The following TBXAS1 variants were observed in gnomAD, a reference collection of about 807,000 sequenced individuals.
TBXAS1 encodes the protein thromboxane-A synthase.
A neutral mutation model predicts 60.7 loss-of-function variants in TBXAS1; 48 were observed. The ratio of observed to expected loss-of-function variants is 0.79; its 90% CI spans 0.63 to 1.01. The LOEUF is 1.01. Among genes scored for constraint, TBXAS1 ranks in the 50% least tolerant of loss-of-function variants. The pLI, the probability that TBXAS1 is intolerant of heterozygous loss-of-function variation, is 0.00. For missense variants in TBXAS1, 685 were observed against 686.3 expected (o/e 1.00, Z 0.02); for synonymous variants, 287 against 269.7 (o/e 1.06, Z -0.63).
chr7:139,890,718 T>G (rs1257164165), intron 3 of TBXAS1, among the ~76,000 whole-genome samples: 1 of 152,212 alleles, frequency 6.6e-6, no homozygotes, highest in Non-Finnish European at 1.5e-5. Flanking sequence ...AACCAGTAAT[T>G]ACTAATTACC....
At position 140,015,776 on chromosome 7, in the gene TBXAS1, C is replaced by T. The variant is rs1436081690; in HGVS notation, c.1280C>T (p.Ala427Val). ...DCEVLGQRIP[A>V]GAVLEMAVGA... ...GAGGTGCTGGGGCAGCGCATCCCCG[C>T]AGGCGCTGTGCTAGAGATGGCCGTG... Residue 427 changes from alanine to valine, a missense_variant, in exon 11 of 13, where the codon GCA becomes GTA. Ala to Val is a moderately conservative substitution (Grantham distance 64, BLOSUM62 0). Coordinates refer to ENST00000448866, the MANE Select transcript of TBXAS1 (RefSeq NM_001061.7). The T allele has an allele frequency of 6.2e-7, 1 of 1,613,660 alleles. No individual in the cohort carries two copies. The highest frequency in any genetic ancestry group is 8.5e-7 in the Non-Finnish European group (1 of 1,180,006).
chr7:139,975,461 G>C lies in TBXAS1; in HGVS notation c.1134+13228G>C, dbSNP rs1490032928. 1.3e-5 allele frequency among the ~76,000 whole-genome samples: 2 copies of C among 151,476 alleles called. No homozygotes were observed. The highest frequency in any genetic ancestry group is 4.8e-5 in the African/African-American group (2 of 41,282). On this transcript the variant is annotated intron_variant, in intron 9 of 12. Transcript: ENST00000448866. The surrounding 1 kb of genome is among the most constrained non-coding windows in gnomAD (Gnocchi z 4.4). ...TGATGCCATTCCTCAGCGCTCTGCT[G>C]TTCTTGCCTGACCAAGTGGATCAAT...
At chr7:139,912,646 G>T (rs1805621128) in intron 4 of TBXAS1, among the ~76,000 whole-genome samples, 1 of 152,170 alleles carries the variant, frequency 6.6e-6, no homozygotes, top group Non-Finnish European at 1.5e-5. Flanking sequence ...AATGCAGTGT[G>T]GTGAGTGCTC....
chr7:139,817,068 C>A (rs911930665), intron 4 of TBXAS1, among the ~76,000 whole-genome samples: 4 of 152,160 alleles, frequency 2.6e-5, no homozygotes, highest in African/African-American at 9.7e-5. Flanking sequence ...AGTTGCCAAG[C>A]CCCCAGCTGT....
chr7:139,935,405 G>A (rs1807671031), intron 4 of TBXAS1, among the ~76,000 whole-genome samples: 1 of 152,150 alleles, frequency 6.6e-6, no homozygotes, highest in Non-Finnish European at 1.5e-5. Context: ...TTGGAACTTG[G>A]TGGAATTTTT....
chr7:139,924,149 G>T (rs1045957136), intron 4 of TBXAS1, among the ~76,000 whole-genome samples: 1 of 152,128 alleles, frequency 6.6e-6, no homozygotes. Flanking sequence ...TTTCTTTGGG[G>T]TATATACCTA....
Position 139,788,682 on chromosome 7 carries a change from T to C in TBXAS1, c.-80+1256T>C, listed in dbSNP as rs527814216. 3.3e-5 allele frequency among the ~76,000 whole-genome samples: 5 copies of C among 152,196 alleles called. No homozygotes were observed. The East Asian group carries it at 5.8e-4, about 18-fold the overall frequency. ...ACACTGAGTTCTGCCCATGGCACCATTGGGATTGGATGTGTGGAGGAGAAG... is the reference window on the plus strand; with the variant it reads ...ACACTGAGTTCTGCCCATGGCACCACTGGGATTGGATGTGTGGAGGAGAAG... On this transcript the variant is annotated intron_variant, in intron 4 of 16. Transcript: ENST00000336425.
intron 3 of TBXAS1, among the ~76,000 whole-genome samples, chr7:139,894,500 G>C (rs1204833339): frequency 2.6e-5 from 4 of 152,148 alleles, no homozygotes; most frequent in African/African-American, 9.7e-5. Flanking sequence ...CAGTAGGCAA[G>C]AAGATCCCTA....
chr7:139,969,723 G>A (rs1206374304), intron 9 of TBXAS1, among the ~76,000 whole-genome samples: 1 of 152,196 alleles, frequency 6.6e-6, no homozygotes, highest in East Asian at 1.9e-4. Context: ...CAGGTCTGCT[G>A]GGGTCGGGCT....
chr7:139,866,172 T>C (rs1289694281), intron 1 of TBXAS1, among the ~76,000 whole-genome samples: 1 of 152,154 alleles, frequency 6.6e-6, no homozygotes, highest in African/African-American at 2.4e-5. Context: ...AGATATTACA[T>C]ACCAGTGTTT....
intron 9 of TBXAS1, among the ~76,000 whole-genome samples, chr7:139,985,604 T>C (rs1423050043): frequency 1.1e-4 from 16 of 152,246 alleles, no homozygotes. Flanking sequence ...TCTAAAAAAT[T>C]AACTCCTTCA....
At chr7:139,929,409 G>A in intron 4 of TBXAS1, among the ~76,000 whole-genome samples, 1 of 152,112 alleles carries the variant, frequency 6.6e-6, no homozygotes, top group East Asian at 1.9e-4. Flanking sequence ...GGCTAATTTA[G>A]TGATGGAGTG....
rs901669067 is a variant in TBXAS1, at chr7:139,778,936, C to A, written c.-318+465C>A. Among the ~76,000 whole-genome samples the A allele has an allele frequency of 1.3e-5, 2 of 152,104 alleles. No homozygotes were observed. The highest frequency in any genetic ancestry group is 4.8e-5 in the African/African-American group (2 of 41,412). The stretch of plus-strand genomic sequence containing the variant: ...CTGTTTTTAAAACTGTGGGTCGTGA[C>A]ACAGTAATAGATCATAAAATAAATG... On this transcript the variant is annotated intron_variant, in intron 1 of 16. Coordinates refer to the TBXAS1 transcript ENST00000336425. This position sits in a 1 kb window ranked among gnomAD's most constrained non-coding sequence, Gnocchi z 4.8.
At chr7:139,817,538 G>C (rs1798182531) in intron 4 of TBXAS1, among the ~76,000 whole-genome samples, 1 of 152,178 alleles carries the variant, frequency 6.6e-6, no homozygotes, top group African/African-American at 2.4e-5. Flanking sequence ...AGTAAAATTA[G>C]AGCCCATAAA....
At chr7:139,990,735 C>T (rs2117593539) in intron 9 of TBXAS1, among the ~76,000 whole-genome samples, 1 of 151,540 alleles carries the variant, frequency 6.6e-6, no homozygotes, top group East Asian at 1.9e-4. Context: ...TCTGGTTGCC[C>T]AGTCCATGAT....
intron 3 of TBXAS1, among the ~76,000 whole-genome samples, chr7:139,877,612 G>A (rs989548853): frequency 1.3e-5 from 2 of 151,986 alleles, no homozygotes; most frequent in Middle Eastern, 3.2e-3. Flanking sequence ...TAGTAGAGAC[G>A]GGATTTTGCC....
chr7:139,983,571 C>T (rs890283451), intron 9 of TBXAS1, among the ~76,000 whole-genome samples: 3 of 151,966 alleles, frequency 2.0e-5, no homozygotes, highest in South Asian at 4.2e-4. Flanking sequence ...AGTAAACTGG[C>T]GGGAAGAAAG....
chr7:139,982,761 A>T (rs921168366), intron 9 of TBXAS1, among the ~76,000 whole-genome samples: 9 of 152,208 alleles, frequency 5.9e-5, no homozygotes, highest in African/African-American at 2.2e-4. Flanking sequence ...GTTGAAAAAC[A>T]CTGGGTTAGA....
chr7:139,960,847 T>C (rs773521307), intron 8 of TBXAS1, among the ~76,000 whole-genome samples: 1 of 152,222 alleles, frequency 6.6e-6, no homozygotes, highest in Non-Finnish European at 1.5e-5. Context: ...CAGAGTACTT[T>C]GCATGAAATT....
Sources: gnomAD v4.1 joint callset for allele counts (sites outside exome capture counted in the v4.1 genomes callset) on GRCh38, gnomAD v4.1.1 for gene constraint, Gnocchi (gnomAD v3.1) non-coding constraint, MANE v1.5 for transcripts, NCBI Gene and HGNC (gene_info 2026-07-23, HGNC 2026-07-21) for gene names.